Variants in TRAM1L1 observed in about 807,000 individuals in gnomAD.
TRAM1L1 encodes the protein translocation associated membrane protein 1 like 1.
For missense variants in TRAM1L1, 451 were observed against 439.9 expected (o/e 1.03, Z -0.23); for synonymous variants, 189 against 163.6 (o/e 1.16, Z -1.18).
In TRAM1L1 at chr4:117,085,466, C is replaced by T. The variant is rs531658947; in HGVS notation, c.-73G>A. 82 of 1,540,724 alleles carry T rather than the reference C, an allele frequency of 5.3e-5. No homozygotes were observed. In the African/African-American group the frequency reaches 9.3e-4, roughly 17 times the overall value. On this transcript the variant is annotated 5_prime_UTR_variant, in exon 1 of 1. Transcript: ENST00000310754. ...TGGCTGCTCCTCACAGCGCCGCCGC[C>T]ACGGTAGCAGCTCCGGGGGCTCCAC... is the stretch of plus-strand genomic sequence containing the variant.
chr4:117,083,789 T>G lies in TRAM1L1; in HGVS notation c.*495A>C, dbSNP rs1270460107. On this transcript the variant is annotated 3_prime_UTR_variant, in exon 1 of 1. Transcript: ENST00000310754. ...TTTTGGTGAGTCTAGCAATCTTTTCTGAGTTGTAAGTTCTTAAAAAATAAA... is the reference window on the plus strand; with the variant it reads ...TTTTGGTGAGTCTAGCAATCTTTTCGGAGTTGTAAGTTCTTAAAAAATAAA... 1 of 153,074 alleles carries G rather than the reference T, an allele frequency of 6.5e-6. No homozygotes were observed. The highest frequency in any genetic ancestry group is 1.9e-4 in the East Asian group (1 of 5,192). The allele number at this position is 153,074 out of a possible 1,614,324, so 9.5% of individuals were successfully genotyped here.
Position 117,085,288 on chromosome 4 carries a change from G to A in TRAM1L1, c.106C>T (p.Leu36=). Residue 36 remains leucine, a synonymous_variant, in exon 1 of 1, where the codon CTG becomes TTG. Transcript: ENST00000310754. The part of the protein sequence containing the change: ...IVSCVGMFFL[L]GLVFEGTAEA... ...GCTGTTCCCTCGAACACAAGCCCCA[G>A]CAGGAAGAACATCCCCACGCAGGAG... 6.2e-7 allele frequency: 1 copy of A among 1,614,116 alleles called. No individual in the cohort carries two copies. The highest frequency in any genetic ancestry group is 8.5e-7 in the Non-Finnish European group (1 of 1,180,034).
In TRAM1L1 at chr4:117,084,372, G is replaced by T; in HGVS notation, c.1022C>A (p.Ser341Tyr). The change falls in exon 1 of 1, where the codon TCT becomes TAT. Residue 341 changes from serine (S) to tyrosine (Y), a missense_variant. Ser to Tyr is a moderately radical substitution (Grantham distance 144, BLOSUM62 -2). Coordinates refer to ENST00000310754, the MANE Select transcript of TRAM1L1 (RefSeq NM_152402.3). ...ASCMKKKRSR[S>Y]SKKRTENGVG... ...TCCGTTTTCTGTTCTTTTTTTAGAAGATCTCGACCGTTTCTTTTTCATACA... is the reference window on the plus strand; with the variant it reads ...TCCGTTTTCTGTTCTTTTTTTAGAATATCTCGACCGTTTCTTTTTCATACA... 6.2e-7 allele frequency: 1 copy of T among 1,614,076 alleles called. No homozygotes were observed. Among genetic ancestry groups the T allele is most frequent in the Non-Finnish European group, 8.5e-7 (1 of 1,180,022 alleles).
rs1732401685 is a variant in TRAM1L1, at chr4:117,084,065, A to G, written c.*219T>C. On this transcript the variant is annotated 3_prime_UTR_variant, in exon 1 of 1. Coordinates refer to ENST00000310754, the MANE Select transcript of TRAM1L1 (RefSeq NM_152402.3). Reference sequence around the variant, plus strand: ...TGGTGATCCCCAAAACTATTTTGACATTATTTTGACGATGAGTAATTTAGT... The same window carrying G: ...TGGTGATCCCCAAAACTATTTTGACGTTATTTTGACGATGAGTAATTTAGT... The G allele has an allele frequency of 4.4e-6, 2 of 453,112 alleles. No homozygotes were observed. The highest frequency in any genetic ancestry group is 1.1e-4 in the South Asian group (2 of 18,214). 28.1% of individuals were successfully genotyped at this position (453,112 alleles called of 1,614,324 possible).
Position 117,084,575 on chromosome 4 carries a change from C to G in TRAM1L1, c.819G>C (p.Gly273=), listed in dbSNP as rs549346468. Residue 273 remains glycine (G), a synonymous_variant, in exon 1 of 1, where the codon GGG becomes GGC. Coordinates refer to ENST00000310754, the MANE Select transcript of TRAM1L1 (RefSeq NM_152402.3). The part of the protein sequence containing the change: ...VTLIVSVLTV[G]FHLAGSQNRN... ...GATTCTGCGATCCAGCCAGGTGAAA[C>G]CCAACAGTGAGTACGGAAACAATTA... The G allele has an allele frequency of 1.2e-6, 2 of 1,614,028 alleles. No individual in the cohort carries two copies. The highest frequency in any genetic ancestry group is 8.5e-7 in the Non-Finnish European group (1 of 1,180,048).
chr4:117,084,804 A>G lies in TRAM1L1; in HGVS notation c.590T>C (p.Leu197Pro). ...KTKKQDIPRQ[L>P]VYIGLHLFHI... Reference sequence around the variant, plus strand: ...GAAGAGGTGAAGACCAATGTAGACAAGTTGACGAGGGATGTCTTGTTTTTT... The same window carrying G: ...GAAGAGGTGAAGACCAATGTAGACAGGTTGACGAGGGATGTCTTGTTTTTT... Residue 197 changes from leucine (L) to proline (P), a missense_variant, in exon 1 of 1, where the codon CTT becomes CCT. Leu to Pro is a moderately conservative substitution (Grantham distance 98). Coordinates refer to ENST00000310754, the MANE Select transcript of TRAM1L1 (RefSeq NM_152402.3). 6.2e-7 allele frequency: 1 copy of G among 1,614,206 alleles called. No individual in the cohort carries two copies. The highest frequency in any genetic ancestry group is 8.5e-7 in the Non-Finnish European group (1 of 1,180,032).
At position 117,085,048 on chromosome 4, in the gene TRAM1L1, G is replaced by C; in HGVS notation, c.346C>G (p.Gln116Glu). The change falls in exon 1 of 1, where the codon CAA becomes GAA. Residue 116 changes from glutamine to glutamate, a missense_variant. Coordinates refer to ENST00000310754, the MANE Select transcript of TRAM1L1 (RefSeq NM_152402.3). ...NKRMQFTKAK[Q>E]NKFNESGQFS... The stretch of plus-strand genomic sequence containing the variant: ...TGACCAGACTCGTTAAACTTGTTTT[G>C]TTTCGCTTTGGTGAACTGCATTCTC... The C allele has an allele frequency of 6.2e-7, 1 of 1,614,054 alleles. No individual in the cohort carries two copies. The highest frequency in any genetic ancestry group is 8.5e-7 in the Non-Finnish European group (1 of 1,180,016).
chr4:117,085,419 G>A lies in TRAM1L1; in HGVS notation c.-26C>T, dbSNP rs758490015. 6.3e-7 allele frequency: 1 copy of A among 1,581,906 alleles called. No homozygotes were observed. Among genetic ancestry groups the A allele is most frequent in the Non-Finnish European group, 8.6e-7 (1 of 1,160,950 alleles). ...GGTGGCGCTTCCCGGATACTCACCG[G>A]CGAGCCGCAGCTGCCTCCCCCTGGC... On this transcript the variant is annotated 5_prime_UTR_variant, in exon 1 of 1. Coordinates refer to ENST00000310754, the MANE Select transcript of TRAM1L1 (RefSeq NM_152402.3).
In TRAM1L1 at chr4:117,085,265, TG is replaced by T; in HGVS notation, c.128del (p.Thr43LysfsTer98). 3 of 1,614,146 alleles carry T rather than the reference TG, an allele frequency of 1.9e-6. No individual in the cohort carries two copies. Among genetic ancestry groups the T allele is most frequent in the Non-Finnish European group, 2.5e-6 (3 of 1,180,044 alleles). On this transcript the variant is annotated frameshift_variant, in exon 1 of 1. Coordinates refer to ENST00000310754, the MANE Select transcript of TRAM1L1 (RefSeq NM_152402.3). LOFTEE classifies it low-confidence loss of function (END_TRUNC). Reference sequence around the variant, plus strand: ...TGAGAAACACGATGGATGCTTCTGCTGTTCCCTCGAACACAAGCCCCAGCAG... The same window carrying T: ...TGAGAAACACGATGGATGCTTCTGCTTTCCCTCGAACACAAGCCCCAGCAG... ...FFLLGLVFEG[T>X]AEASIVFLTL...
rs768931259 is a variant in TRAM1L1, at chr4:117,085,361, G to A, written c.33C>T (p.Pro11=). The change falls in exon 1 of 1, where the codon CCC becomes CCT. Residue 11 remains proline, a synonymous_variant. Coordinates refer to ENST00000310754, the MANE Select transcript of TRAM1L1 (RefSeq NM_152402.3). MGLRKKSTKN[P]PVLSQEFILQ... ...GGATGAATTCCTGGCTGAGAACGGG[G>A]GGGTTCTTGGTGCTCTTCTTACGGA... is the stretch of plus-strand genomic sequence containing the variant. 1.9e-6 allele frequency: 3 copies of A among 1,613,522 alleles called. No homozygotes were observed. Among genetic ancestry groups the A allele is most frequent in the East Asian group, 4.5e-5 (2 of 44,812 alleles).
At position 117,084,291 on chromosome 4, in the gene TRAM1L1, G is replaced by C; in HGVS notation, c.1103C>G (p.Ser368Cys). ...VDCPPKRKEKSS is the reference protein window; with the variant it reads ...VDCPPKRKEKCS ...TCAATGCGCTTGCAAAGATTATGAA[G>C]ATTTCTCTTTCCTCTTTGGCGGACA... is the stretch of plus-strand genomic sequence containing the variant. Residue 368 changes from serine to cysteine, a missense_variant, in exon 1 of 1, where the codon TCT (serine) becomes TGT (cysteine). Transcript: ENST00000310754. The C allele has an allele frequency of 6.2e-7, 1 of 1,604,752 alleles. No individual in the cohort carries two copies. Among genetic ancestry groups the C allele is most frequent in the Non-Finnish European group, 8.5e-7 (1 of 1,176,946 alleles).
chr4:117,085,471 T>A lies in TRAM1L1; in HGVS notation c.-78A>T, dbSNP rs1732440494. ...GCTCCTCACAGCGCCGCCGCCACGG[T>A]AGCAGCTCCGGGGGCTCCACTTCCC... On this transcript the variant is annotated 5_prime_UTR_variant, in exon 1 of 1. Coordinates refer to ENST00000310754, the MANE Select transcript of TRAM1L1 (RefSeq NM_152402.3). 4 of 1,535,916 alleles carry A rather than the reference T, an allele frequency of 2.6e-6. No individual in the cohort carries two copies. The Admixed American group carries it at 7.7e-5, about 30-fold the overall frequency.
chr4:117,084,145 T>A lies in TRAM1L1; in HGVS notation c.*139A>T. On this transcript the variant is annotated 3_prime_UTR_variant, in exon 1 of 1. Transcript: ENST00000310754. ...AATAATCCTCCTCCCCTCAAATGTC[T>A]TTAAAAAATACATGAAACAGTTCAA... is the stretch of plus-strand genomic sequence containing the variant. 1.1e-6 allele frequency: 1 copy of A among 870,062 alleles called. No individual in the cohort carries two copies. The highest frequency in any genetic ancestry group is 1.7e-6 in the Non-Finnish European group (1 of 591,602). 53.9% of individuals were successfully genotyped at this position (870,062 alleles called of 1,614,324 possible).
Position 117,084,272 on chromosome 4 carries a change from C to T in TRAM1L1, c.*12G>A, listed in dbSNP as rs373169578. 243 of 1,588,298 alleles carry T rather than the reference C, an allele frequency of 1.5e-4. No individual in the cohort carries two copies. The highest frequency in any genetic ancestry group is 2.0e-4 in the Non-Finnish European group (233 of 1,169,818). Reference sequence around the variant, plus strand: ...ATTCCTTTGCAGACATTAATCAATGCGCTTGCAAAGATTATGAAGATTTCT... The same window carrying T: ...ATTCCTTTGCAGACATTAATCAATGTGCTTGCAAAGATTATGAAGATTTCT... On this transcript the variant is annotated 3_prime_UTR_variant, in exon 1 of 1. Coordinates refer to ENST00000310754, the MANE Select transcript of TRAM1L1 (RefSeq NM_152402.3).
chr4:117,084,696 G>C lies in TRAM1L1; in HGVS notation c.698C>G (p.Ser233Cys), dbSNP rs1471220289. Reference protein sequence around the residue: ...LVLHYFVELLSHMCGLFYFSD... With the variant: ...LVLHYFVELLCHMCGLFYFSD... ...AAAGTAAAACAGGCCGCACATGTGG[G>C]AAAGTAATTCAACAAAATAATGCAG... Residue 233 changes from serine (S) to cysteine (C), a missense_variant, in exon 1 of 1, where the codon TCC (serine) becomes TGC (cysteine). Coordinates refer to ENST00000310754, the MANE Select transcript of TRAM1L1 (RefSeq NM_152402.3). The C allele has an allele frequency of 1.2e-6, 2 of 1,614,096 alleles. No individual in the cohort carries two copies. The highest frequency in any genetic ancestry group is 1.7e-6 in the Non-Finnish European group (2 of 1,180,020).
chr4:117,084,252 T>C lies in TRAM1L1; in HGVS notation c.*32A>G. On this transcript the variant is annotated 3_prime_UTR_variant, in exon 1 of 1. Transcript: ENST00000310754. ...AAAGAAACCTCAAAGAGCAGATTCC[T>C]TTGCAGACATTAATCAATGCGCTTG... The C allele has an allele frequency of 6.4e-7, 1 of 1,555,910 alleles. No individual in the cohort carries two copies. The highest frequency in any genetic ancestry group is 8.7e-7 in the Non-Finnish European group (1 of 1,156,040).
Position 117,084,356 on chromosome 4 carries a change from T to G in TRAM1L1, c.1038A>C (p.Thr346=), listed in dbSNP as rs145609411. 5.6e-6 allele frequency: 9 copies of G among 1,614,102 alleles called. No individual in the cohort carries two copies. In the African/African-American group the frequency reaches 1.2e-4, roughly 22 times the overall value. ...KKRSRSSKKR[T]ENGVGVETSN... ...AAGTTTCCACTCCCACTCCGTTTTC[T>G]GTTCTTTTTTTAGAAGATCTCGACC... The change falls in exon 1 of 1, where the codon ACA becomes ACC. Residue 346 remains threonine, a synonymous_variant. Coordinates refer to ENST00000310754, the MANE Select transcript of TRAM1L1 (RefSeq NM_152402.3).
rs1732412383 is a variant in TRAM1L1, at chr4:117,084,537, G to T, written c.857C>A (p.Ala286Asp). 1 of 1,613,968 alleles carries T rather than the reference G, an allele frequency of 6.2e-7. No homozygotes were observed. The highest frequency in any genetic ancestry group is 1.7e-5 in the Admixed American group (1 of 59,980). The stretch of plus-strand genomic sequence containing the variant: ...CAACACATTTACATTTCCAGTAAGG[G>T]CATCAGGATTCCGATTCTGCGATCC... ...LAGSQNRNPD[A>D]LTGNVNVLAA... The change falls in exon 1 of 1, where the codon GCC (alanine) becomes GAC (aspartate). Residue 286 changes from alanine (A) to aspartate (D), a missense_variant. Physicochemically the swap from Ala to Asp is moderately radical, Grantham distance 126 (BLOSUM62 -2). Coordinates refer to ENST00000310754, the MANE Select transcript of TRAM1L1 (RefSeq NM_152402.3).
chr4:117,085,513 C>T lies in TRAM1L1; in HGVS notation c.-120G>A, dbSNP rs1448866798. 1 of 1,351,324 alleles carries T rather than the reference C, an allele frequency of 7.4e-7. No homozygotes were observed. Among genetic ancestry groups the T allele is most frequent in the Admixed American group, 2.6e-5 (1 of 38,574 alleles). The allele number at this position is 1,351,324 out of a possible 1,614,324, so 83.7% of individuals were successfully genotyped here. Reference sequence around the variant, plus strand: ...CCACTTCCCATCCCGAAGTCAGTCCCGGGTCGCAGCGGCCGCCCAGAAAAA... The same window carrying T: ...CCACTTCCCATCCCGAAGTCAGTCCTGGGTCGCAGCGGCCGCCCAGAAAAA... On this transcript the variant is annotated 5_prime_UTR_variant, in exon 1 of 1. Coordinates refer to ENST00000310754, the MANE Select transcript of TRAM1L1 (RefSeq NM_152402.3).
Sources: allele counts gnomAD v4.1 joint callset, GRCh38; gene constraint gnomAD v4.1.1; transcripts MANE v1.5; gene names NCBI Gene and HGNC (gene_info 2026-07-23, HGNC 2026-07-21).